The following MRPS28 variants were observed in gnomAD, a reference collection of about 807,000 sequenced individuals.
MRPS28 encodes mitochondrial ribosomal protein S28.
A neutral mutation model predicts 10.8 loss-of-function variants in MRPS28; 7 were observed. The ratio of observed to expected loss-of-function variants is 0.65; its 90% CI spans 0.37 to 1.22. The LOEUF is 1.22. Ranked by LOEUF, MRPS28 falls within the 50% of genes most tolerant of loss-of-function variation. The pLI is 0.02. For synonymous variants in MRPS28, 121 were observed against 93.3 expected (o/e 1.30, Z -1.71); for missense variants, 265 against 232.9 (o/e 1.14, Z -0.90).
chr8:79,995,662 T>G (rs1253354100), intron 2 of MRPS28, among the ~76,000 whole-genome samples: 1 of 152,162 alleles, frequency 6.6e-6, no homozygotes, highest in Non-Finnish European at 1.5e-5. Flanking sequence ...ATCAGGAAGT[T>G]AGTTATCTGG....
At chr8:79,977,436 CAAATGATTTAAAGCTTTAATCTAAAAT>C (rs1247947263) in intron 2 of MRPS28, among the ~76,000 whole-genome samples, 1 of 152,070 alleles carries the variant, frequency 6.6e-6, no homozygotes, top group Non-Finnish European at 1.5e-5. Flanking sequence ...ATAGAATAAA[CAAATGATTTAAAGCTTTAATCTAAAAT>C]GAAGAGACCA....
intron 1 of MRPS28, among the ~76,000 whole-genome samples, chr8:80,025,249 A>G (rs890649414): frequency 2.0e-5 from 3 of 152,210 alleles, no homozygotes; most frequent in Admixed American, 6.5e-5. Context: ...TCAGGAATGA[A>G]AGATGATAAC....
At position 79,961,946 on chromosome 8, in the gene MRPS28, T is replaced by C. The variant is rs538162815; in HGVS notation, c.395+41053A>G. Among the ~76,000 whole-genome samples, 12 of 152,266 alleles carry C rather than the reference T, an allele frequency of 7.9e-5. No homozygotes were observed. The South Asian group carries it at 2.5e-3, about 32-fold the overall frequency. ...TAAATATTATTTTTATTCCACATACTGTTCCATGTAGAAGATGTCAAGTTT... is the reference window on the plus strand; with the variant it reads ...TAAATATTATTTTTATTCCACATACCGTTCCATGTAGAAGATGTCAAGTTT... On this transcript the variant is annotated intron_variant, in intron 2 of 2. Transcript: ENST00000276585.
chr8:80,003,382 A>G (rs750406570), intron 1 of MRPS28, among the ~76,000 whole-genome samples: 2 of 152,212 alleles, frequency 1.3e-5, no homozygotes, highest in Non-Finnish European at 2.9e-5. Context: ...AGTAGGCATC[A>G]AGGTGGAGCA....
intron 1 of MRPS28, among the ~76,000 whole-genome samples, chr8:80,006,338 G>A (rs1442810645): frequency 5.3e-5 from 8 of 152,206 alleles, no homozygotes; most frequent in East Asian, 3.9e-4. Flanking sequence ...ACTCAAAACC[G>A]CTCAACTACA....
At chr8:79,999,712 T>TA (rs771878051) in intron 2 of MRPS28, among the ~76,000 whole-genome samples, 1 of 152,278 alleles carries the variant, frequency 6.6e-6, no homozygotes, top group Admixed American at 6.5e-5. Flanking sequence ...GTACATAGGA[T>TA]ATGCAGGTAG....
intron 2 of MRPS28, among the ~76,000 whole-genome samples, chr8:79,928,918 T>C (rs1586040178): frequency 2.6e-5 from 4 of 152,038 alleles, no homozygotes; most frequent in Admixed American, 2.0e-4. Flanking sequence ...TGGTGGCGCA[T>C]GCCTGTAGTC....
chr8:79,936,401 CTAGT>C (rs1385375537), intron 2 of MRPS28, among the ~76,000 whole-genome samples: 1 of 151,918 alleles, frequency 6.6e-6, no homozygotes, highest in Non-Finnish European at 1.5e-5. Context: ...AAGAAGTGGG[CTAGT>C]TGAGATTTTA....
chr8:79,996,492 T>C lies in MRPS28; in HGVS notation c.395+6507A>G, dbSNP rs75274901. Reference sequence around the variant, plus strand: ...GAAGTCCAGGATCAAGGCACAAGCATATTTAGTGTCATGAAGACCTGGTTC... The same window carrying C: ...GAAGTCCAGGATCAAGGCACAAGCACATTTAGTGTCATGAAGACCTGGTTC... On this transcript the variant is annotated intron_variant, in intron 2 of 2. Transcript: ENST00000276585. Among the ~76,000 whole-genome samples, 973 of 152,334 alleles carry C rather than the reference T, an allele frequency of 6.4e-3. 8 individuals carry two copies. Among genetic ancestry groups the C allele is most frequent in the African/African-American group, 0.022 (907 of 41,588 alleles).
chr8:79,972,392 G>A (rs995386394), intron 2 of MRPS28, among the ~76,000 whole-genome samples: 33 of 152,248 alleles, frequency 2.2e-4, no homozygotes, highest in African/African-American at 7.7e-4. Flanking sequence ...TTCAGCAGTC[G>A]ATGGACACTT....
At chr8:80,005,292 C>A (rs1414484807) in intron 1 of MRPS28, among the ~76,000 whole-genome samples, 1 of 152,274 alleles carries the variant, frequency 6.6e-6, no homozygotes, top group East Asian at 1.9e-4. Context: ...GATCTCTCGG[C>A]AGAAACTCTA....
chr8:79,930,094 A>G (rs569344729), intron 2 of MRPS28, among the ~76,000 whole-genome samples: 2 of 152,328 alleles, frequency 1.3e-5, no homozygotes, highest in African/African-American at 4.8e-5. Context: ...GACTTATTAC[A>G]GATAAAGATA....
intron 2 of MRPS28, among the ~76,000 whole-genome samples, chr8:79,987,293 T>A (rs1418212719): frequency 6.6e-6 from 1 of 152,032 alleles, no homozygotes; most frequent in East Asian, 1.9e-4. Context: ...GATTAAAGAC[T>A]TAAATGTTAG....
At chr8:79,939,827 G>A (rs1344262291) in intron 2 of MRPS28, among the ~76,000 whole-genome samples, 9 of 151,844 alleles carry the variant, frequency 5.9e-5, no homozygotes, top group Non-Finnish European at 8.8e-5. Flanking sequence ...AAAATTAGCC[G>A]GGCATGGTGG....
At chr8:79,926,003 A>G (rs1283418130) in intron 2 of MRPS28, among the ~76,000 whole-genome samples, 1 of 151,954 alleles carries the variant, frequency 6.6e-6, no homozygotes, top group Non-Finnish European at 1.5e-5. Context: ...AAAAGAAAAA[A>G]AAAAAAGAAA....
rs111569713 is a variant in MRPS28, at chr8:80,019,738, G to C, written c.213+10298C>G. On this transcript the variant is annotated intron_variant, in intron 1 of 2. Coordinates refer to ENST00000276585, the MANE Select transcript of MRPS28 (RefSeq NM_014018.3). ...GATGACCTATGTAGAAAATCAAAAA[G>C]AATCAACAAGAAAAAAACCTCCTGG... Among the ~76,000 whole-genome samples the C allele has an allele frequency of 4.6e-3, 698 of 151,906 alleles. 12 individuals carry two copies. The highest frequency in any genetic ancestry group is 3.4e-3 in the Middle Eastern group (1 of 294).
chr8:79,982,768 G>A (rs1422727225), intron 2 of MRPS28, among the ~76,000 whole-genome samples: 2 of 152,334 alleles, frequency 1.3e-5, no homozygotes, highest in East Asian at 1.9e-4. Flanking sequence ...CGGGAAGCTC[G>A]AACTGGGTGG....
At chr8:79,996,276 G>A (rs1356640667) in intron 2 of MRPS28, among the ~76,000 whole-genome samples, 1 of 152,068 alleles carries the variant, frequency 6.6e-6, no homozygotes, top group East Asian at 1.9e-4. Flanking sequence ...GTGACTAGAG[G>A]TCTTACCACA....
At chr8:80,007,360 G>A (rs1368966561) in intron 1 of MRPS28, among the ~76,000 whole-genome samples, 2 of 152,114 alleles carry the variant, frequency 1.3e-5, no homozygotes, top group African/African-American at 2.4e-5. Context: ...AAAAACTGGT[G>A]CAAGAAAGGG....
Sources: gnomAD v4.1 joint callset for allele counts (sites outside exome capture counted in the v4.1 genomes callset) on GRCh38, gnomAD v4.1.1 for gene constraint, MANE v1.5 for transcripts, NCBI Gene and HGNC (gene_info 2026-07-23, HGNC 2026-07-21) for gene names.